Variants in FUT8 observed in about 807,000 individuals in gnomAD.
The protein encoded by FUT8 is alpha-(1,6)-fucosyltransferase.
A neutral mutation model predicts 71.3 loss-of-function variants in FUT8; 29 were observed. The ratio of observed to expected loss-of-function variants is 0.41; its 90% CI spans 0.30 to 0.55. The LOEUF (loss-of-function observed/expected upper bound fraction) is 0.55. Ranked by LOEUF, FUT8 falls within the 20% of genes least tolerant of loss-of-function variation. The pLI is 0.34. For missense variants in FUT8, 544 were observed against 702.1 expected (o/e 0.77, Z 2.55); for synonymous variants, 254 against 239.3 (o/e 1.06, Z -0.57).
the FUT8 span, among the ~76,000 whole-genome samples, chr14:65,401,816 T>A: frequency 6.8e-6 from 1 of 147,636 alleles, no homozygotes; most frequent in Non-Finnish European, 1.5e-5. Flanking sequence ...TCACTTGAAC[T>A]CGGGAGACAG....
At chr14:65,597,154 A>G (rs1888023128) in intron 3 of FUT8, among the ~76,000 whole-genome samples, 1 of 152,098 alleles carries the variant, frequency 6.6e-6, no homozygotes, top group Non-Finnish European at 1.5e-5. Flanking sequence ...ACTTGCCCAG[A>G]GTCACACAGC....
At position 65,683,013 on chromosome 14, in the gene FUT8, ATT is replaced by A. The variant is rs386364141; in HGVS notation, c.835+13549_835+13550del. 4.4e-3 allele frequency among the ~76,000 whole-genome samples: 625 copies of A among 140,982 alleles called. 3 individuals carry two copies. The highest frequency in any genetic ancestry group is 0.036 in the East Asian group (177 of 4,918). The allele number at this position is 140,982 out of a possible 152,430, so 92.5% of individuals were successfully genotyped here. A position where few individuals can be genotyped will look rare whatever the true frequency, so the allele number is the denominator to read the frequency against. On this transcript the variant is annotated intron_variant, in intron 7 of 10. Transcript: ENST00000673929. ...AATGTTTACATTCACAGTAATTGCA[ATT>A]TTTTTTTTTTTTTTTGATACGGAGT... is the stretch of plus-strand genomic sequence containing the variant.
At chr14:65,442,590 T>C (rs951954687) in intron 1 of FUT8, among the ~76,000 whole-genome samples, 3 of 151,696 alleles carry the variant, frequency 2.0e-5, no homozygotes, top group Admixed American at 2.0e-4. Context: ...ATCCCAACAC[T>C]TGGGGAGGCC....
chr14:65,550,825 C>T lies in FUT8; in HGVS notation c.-227-10512C>T, dbSNP rs1276793336. On this transcript the variant is annotated intron_variant, in intron 2 of 10. Coordinates refer to ENST00000673929, the MANE Select transcript of FUT8 (RefSeq NM_001371533.1). This position sits in a 1 kb window ranked among gnomAD's most constrained non-coding sequence, Gnocchi z 4.5. Reference sequence around the variant, plus strand: ...CTTGTTGGCATCATAGTATAAAATACATATTTTTGGCAAAGTAATTAATAC... The same window carrying T: ...CTTGTTGGCATCATAGTATAAAATATATATTTTTGGCAAAGTAATTAATAC... Among the ~76,000 whole-genome samples the T allele has an allele frequency of 6.6e-6, 1 of 152,128 alleles. No homozygotes were observed. Among genetic ancestry groups the T allele is most frequent in the Non-Finnish European group, 1.5e-5 (1 of 68,012 alleles).
At chr14:65,636,389 G>C (rs929074778) in intron 6 of FUT8, 39 of 151,820 alleles carry the variant, frequency 2.6e-4, no homozygotes, top group African/African-American at 9.2e-4. Context: ...TGCTGGGTTT[G>C]GGTTTGGTTT....
chr14:65,397,869 T>C, the FUT8 span, among the ~76,000 whole-genome samples: 1 of 152,270 alleles, frequency 6.6e-6, no homozygotes, highest in Admixed American at 6.5e-5. The surrounding 1 kb of genome is among the most constrained non-coding windows in gnomAD (Gnocchi z 4.2). Flanking sequence ...TGACCAGAAA[T>C]AGGCCATAGG....
rs34809476 is a variant in FUT8 at position 65,508,491 on chromosome 14, G to GTTTTTTTTTTTTT, written c.-228+52787_-228+52799dup. 1.3e-4 allele frequency among the ~76,000 whole-genome samples: 6 copies of GTTTTTTTTTTTTT among 46,500 alleles called. 1 individual carries two copies. Among genetic ancestry groups the GTTTTTTTTTTTTT allele is most frequent in the Admixed American group, 3.2e-4 (1 of 3,148 alleles). 30.5% of individuals were successfully genotyped at this position (46,500 alleles called of 152,430 possible). ...AATTTTTTCCTGTAGAGTTGTTTGA[G>GTTTTTTTTTTTTT]TTTTTTTTTTTTTTTTTTTTTTTTT... On this transcript the variant is annotated intron_variant, in intron 2 of 10. Coordinates refer to ENST00000673929, the MANE Select transcript of FUT8 (RefSeq NM_001371533.1).
intron 2 of FUT8, among the ~76,000 whole-genome samples, chr14:65,540,825 A>T (rs965692455): frequency 3.3e-5 from 5 of 152,184 alleles, no homozygotes; most frequent in African/African-American, 1.2e-4. Context: ...TACTTTAATC[A>T]TGCTAGTGAA....
intron 2 of FUT8, among the ~76,000 whole-genome samples, chr14:65,536,910 A>G (rs1039452053): frequency 6.0e-5 from 9 of 150,790 alleles, no homozygotes; most frequent in African/African-American, 2.2e-4. Context: ...TGGTCTCTTT[A>G]CATAATCCCA....
chr14:65,357,608 C>T, the FUT8 span, among the ~76,000 whole-genome samples: 1 of 152,184 alleles, frequency 6.6e-6, no homozygotes, highest in Non-Finnish European at 1.5e-5. Flanking sequence ...TCAGGGCTTC[C>T]AGTTTGGAAG....
intron 3 of FUT8, among the ~76,000 whole-genome samples, chr14:65,583,654 A>AG (rs1887209326): frequency 6.6e-6 from 1 of 152,006 alleles, no homozygotes; most frequent in Non-Finnish European, 1.5e-5. Context: ...AGCAAAAAAA[A>AG]AAAAGAATGC....
rs193228413 is a variant in FUT8 at position 65,571,444 on chromosome 14, T to C, written c.203+9678T>C. Among the ~76,000 whole-genome samples the C allele has an allele frequency of 9.9e-5, 15 of 152,250 alleles. No individual in the cohort carries two copies. The East Asian group carries it at 2.7e-3, about 27-fold the overall frequency. Reference sequence around the variant, plus strand: ...GATGATCCATAGTTTCCCTAAACACTGTGGACTTGCAGAGAAGGAAGTGTG... The same window carrying C: ...GATGATCCATAGTTTCCCTAAACACCGTGGACTTGCAGAGAAGGAAGTGTG... On this transcript the variant is annotated intron_variant, in intron 3 of 10. Transcript: ENST00000673929.
In FUT8 at chr14:65,742,163, A is replaced by G; in HGVS notation, c.1481A>G (p.Asp494Gly). The change falls in exon 11 of 11, where the codon GAT (aspartate) becomes GGT (glycine). Residue 494 changes from aspartate (D) to glycine (G), a missense_variant. Physicochemically the swap from Asp to Gly is moderately conservative, Grantham distance 94 (BLOSUM62 -1). Coordinates refer to ENST00000673929, the MANE Select transcript of FUT8 (RefSeq NM_001371533.1). ...GCCTCTGCAAACTTCCATTCTTTAG[A>G]TGACATCTACTATTTTGGGGGCCAG... ...PDASANFHSL[D>G]DIYYFGGQNA... is the part of the protein sequence containing the mutation. The G allele has an allele frequency of 6.2e-7, 1 of 1,613,112 alleles. No homozygotes were observed.
chr14:65,369,451 G>A, the FUT8 span, among the ~76,000 whole-genome samples: 2 of 152,186 alleles, frequency 1.3e-5, no homozygotes, highest in Non-Finnish European at 2.9e-5. The surrounding 1 kb of genome is among the most constrained non-coding windows in gnomAD (Gnocchi z 4.6). Context: ...GACCTACTGA[G>A]CTGCATTCCT....
intron 1 of FUT8, among the ~76,000 whole-genome samples, chr14:65,429,639 G>C (rs1396372360): frequency 2.0e-5 from 3 of 152,114 alleles, no homozygotes; most frequent in East Asian, 3.9e-4. Flanking sequence ...GAGATGGGAG[G>C]ATTGCTTGAG....
At chr14:65,667,353 A>G (rs1457567737) in intron 6 of FUT8, among the ~76,000 whole-genome samples, 3 of 152,192 alleles carry the variant, frequency 2.0e-5, no homozygotes, top group African/African-American at 7.2e-5. Flanking sequence ...GTGTACAAAA[A>G]TCAGTAGCAT....
chr14:65,380,132 T>C, the FUT8 span, among the ~76,000 whole-genome samples: 2 of 152,198 alleles, frequency 1.3e-5, no homozygotes, highest in Admixed American at 6.5e-5. Flanking sequence ...AGAGGTTTAA[T>C]TGGACTTACA....
At chr14:65,498,702 G>C (rs1445283968) in intron 2 of FUT8, among the ~76,000 whole-genome samples, 1 of 152,030 alleles carries the variant, frequency 6.6e-6, no homozygotes, top group Non-Finnish European at 1.5e-5. Flanking sequence ...ACTTCTAGTA[G>C]GCTTTTTACT....
chr14:65,654,591 C>CA (rs35652243), intron 6 of FUT8, among the ~76,000 whole-genome samples: 6 of 144,012 alleles, frequency 4.2e-5, no homozygotes, highest in Admixed American at 6.9e-5. Flanking sequence ...ATTCTGTCTC[C>CA]AAAAAAAAAA....
Sources: allele counts gnomAD v4.1 joint callset (sites outside exome capture counted in the v4.1 genomes callset), GRCh38; gene constraint gnomAD v4.1.1; non-coding constraint Gnocchi (gnomAD v3.1); transcripts MANE v1.5; gene names NCBI Gene and HGNC (gene_info 2026-07-23, HGNC 2026-07-21).